BBS1: variants seen among roughly 807,000 people sequenced by gnomAD.
BBS1 encodes Bardet-Biedl syndrome 1.
Under a neutral mutation model 73.9 loss-of-function variants are expected in BBS1, and 60 were observed. The ratio of observed to expected loss-of-function variants is 0.81; its 90% CI spans 0.66 to 1.01. The LOEUF is 1.01. BBS1 is among the 50% of genes least tolerant of loss of function. The probability of loss-of-function intolerance (pLI) is 0.00; values close to 1 mark genes in which losing one functional copy is unlikely to be tolerated. For synonymous variants in BBS1, 283 were observed against 317.4 expected, an observed-to-expected ratio of 0.89 and a Z score of 1.15; for missense variants, 718 against 770.3, an observed-to-expected ratio of 0.93 and a Z score of 0.80.
chr11:66,518,760 T>TC (rs1555047263), intron 7 of BBS1, among the ~76,000 whole-genome samples: 16 of 149,022 alleles, frequency 1.1e-4, no homozygotes, highest in South Asian at 4.2e-4. Context: ...CCCTTTTCTT[T>TC]TTTTTTTTTT....
At chr11:66,513,634 G>A (rs568059960) in intron 3 of BBS1, among the ~76,000 whole-genome samples, 8 of 152,180 alleles carry the variant, frequency 5.3e-5, no homozygotes, top group South Asian at 2.1e-4. Context: ...AGCCATGATC[G>A]CACCACTGCA....
In BBS1 at chr11:66,523,513, C is replaced by G; in HGVS notation, c.888C>G (p.Ile296Met). 1 of 1,614,152 alleles carries G rather than the reference C, an allele frequency of 6.2e-7. No homozygotes were observed. ...TGAGCGCCCAGCCTGTGGGACTTAT[C>G]CGGGTACACAAGGTCCTAGTGGTGG... ...IELSAQPVGL[I>M]RVHKVLVVGS... The change falls in exon 10 of 17, where the codon ATC (isoleucine) becomes ATG (methionine). Residue 296 changes from isoleucine (I) to methionine (M), a missense_variant. Transcript: ENST00000318312.
Position 66,523,812 on chromosome 11 carries a change from T to C in BBS1, c.1040T>C (p.Met347Thr). ...CATTCCCGGGGCCTGCAGGCCGTCA[T>C]GGCTGGGCTGGCCAATGGAGAGGTC... is the stretch of plus-strand genomic sequence containing the variant. ...EQHSRGLQAV[M>T]AGLANGEVRI... is the part of the protein sequence containing the mutation. The change falls in exon 11 of 17, where the codon ATG becomes ACG. Residue 347 changes from methionine to threonine, a missense_variant. Met to Thr is a moderately conservative substitution (Grantham distance 81, BLOSUM62 -1). Coordinates refer to ENST00000318312, the MANE Select transcript of BBS1 (RefSeq NM_024649.5). 1.9e-6 allele frequency: 3 copies of C among 1,613,626 alleles called. No individual in the cohort carries two copies. The highest frequency in any genetic ancestry group is 3.3e-5 in the Admixed American group (2 of 60,026).
intron 11 of BBS1, among the ~76,000 whole-genome samples, chr11:66,525,729 T>C (rs563116993): frequency 6.6e-6 from 1 of 151,962 alleles, no homozygotes; most frequent in East Asian, 1.9e-4. Flanking sequence ...AAAAGGCGGG[T>C]TGGAGTCAAA....
intron 3 of BBS1, among the ~76,000 whole-genome samples, chr11:66,511,758 G>A (rs1312271136): frequency 6.6e-6 from 1 of 151,914 alleles, no homozygotes; most frequent in African/African-American, 2.4e-5. Context: ...CAGCACTTTG[G>A]GAGGCTGAGG....
At chr11:66,522,144 G>T (rs28414721) in intron 9 of BBS1, among the ~76,000 whole-genome samples, 31,526 of 150,010 alleles carry the variant, frequency 0.21, 3,709 homozygotes, top group East Asian at 0.26. Flanking sequence ...GTGAACCTGG[G>T]AGGTGGAGCT....
rs1266361363 is a variant in BBS1 at position 66,523,750 on chromosome 11, G to A, written c.978G>A (p.Met326Ile). Residue 326 changes from methionine to isoleucine, a missense_variant, in exon 11 of 17, where the codon ATG becomes ATA. By Grantham distance (10) the Met-to-Ile change is conservative. Transcript: ENST00000318312. ...GGAAGAAGCTGTGGACAGTGCAGAT[G>A]CCCGCAGCCATCCTGACCATGAACC... is the stretch of plus-strand genomic sequence containing the variant. Reference protein sequence around the residue: ...HKGKKLWTVQMPAAILTMNLL... With the variant: ...HKGKKLWTVQIPAAILTMNLL... 17 of 1,612,308 alleles carry A rather than the reference G, an allele frequency of 1.1e-5. No individual in the cohort carries two copies. The highest frequency in any genetic ancestry group is 1.4e-5 in the Non-Finnish European group (17 of 1,180,028).
Position 66,514,489 on chromosome 11 carries a change from G to A in BBS1, c.243G>A (p.Pro81=), listed in dbSNP as rs141429900. ...LKGPLVMTES[P]LPALPAAAAT... ...GACCACTGGTGATGACCGAAAGCCC[G>A]CTACCTGCTCTGCCAGCTGCTGCTG... is the stretch of plus-strand genomic sequence containing the variant. Residue 81 remains proline (P), a synonymous_variant, in exon 4 of 17, where the codon CCG becomes CCA. Coordinates refer to ENST00000318312, the MANE Select transcript of BBS1 (RefSeq NM_024649.5). 25 of 1,614,130 alleles carry A rather than the reference G, an allele frequency of 1.5e-5. No homozygotes were observed. In the East Asian group the frequency reaches 4.9e-4, roughly 32 times the overall value.
At position 66,532,229 on chromosome 11, in the gene BBS1, C is replaced by T. The variant is rs1182040109; in HGVS notation, c.*192C>T. ...AGGTTAGTGAGTACCTAGGGCGGCTCAACTCCTCCCACAGCACCAACCCAG... is the reference window on the plus strand; with the variant it reads ...AGGTTAGTGAGTACCTAGGGCGGCTTAACTCCTCCCACAGCACCAACCCAG... On this transcript the variant is annotated 3_prime_UTR_variant, in exon 17 of 17. Transcript: ENST00000318312. 2 of 617,300 alleles carry T rather than the reference C, an allele frequency of 3.2e-6. No individual in the cohort carries two copies. Among genetic ancestry groups the T allele is most frequent in the African/African-American group, 3.7e-5 (2 of 54,092 alleles). 38.2% of individuals were successfully genotyped at this position (617,300 alleles called of 1,614,324 possible). A position where few individuals can be genotyped will look rare whatever the true frequency, so the allele number is the denominator to read the frequency against.
At chr11:66,530,855 C>T in intron 14 of BBS1, 39 bp from the exon 15 acceptor site, 1 of 1,614,160 alleles carries the variant, frequency 6.2e-7, no homozygotes, top group South Asian at 1.1e-5. Context: ...CCCAAGGCTG[C>T]CAGGTCCTAA....
At position 66,515,584 on chromosome 11, in the gene BBS1, C is replaced by T. The variant is rs1856031625; in HGVS notation, c.477C>T (p.Ile159=). 1 of 1,614,136 alleles carries T rather than the reference C, an allele frequency of 6.2e-7. No individual in the cohort carries two copies. Residue 159 remains isoleucine (I), a splice_region_variant and synonymous_variant, in exon 5 of 17, where the codon ATC becomes ATT. Coordinates refer to ENST00000318312, the MANE Select transcript of BBS1 (RefSeq NM_024649.5). ...PLTLKEMLES[I]RETAEEPLSI... is the part of the protein sequence containing the mutation. ...CCCTGAAGGAGATGCTGGAGAGCAT[C>T]CGGTGAGAGGCTGCCTTCCCCTTCA...
intron 1 of BBS1, 28 bp downstream of exon 1, chr11:66,510,734 T>G (rs758675295): frequency 1.2e-6 from 2 of 1,613,802 alleles, no homozygotes; most frequent in Admixed American, 3.3e-5. Context: ...CAAGGCCTCT[T>G]TTCCCACCCG....
chr11:66,523,705 G>T lies in BBS1; in HGVS notation c.952-19G>T. 2 of 1,610,220 alleles carry T rather than the reference G, an allele frequency of 1.2e-6. No individual in the cohort carries two copies. The highest frequency in any genetic ancestry group is 1.7e-6 in the Non-Finnish European group (2 of 1,179,972). ...TGTAAGCCCTGAGCCCTCCACAGAC[G>T]CTGGCTGTTCCCTGCCAGGGGAAGA... On this transcript the variant is annotated intron_variant, in intron 10 of 16. Transcript: ENST00000318312.
chr11:66,531,507 C>T, intron 15 of BBS1, 149 bp from the exon 16 acceptor site: 1 of 1,038,002 alleles, frequency 9.6e-7, no homozygotes, highest in East Asian at 2.4e-5. Flanking sequence ...ACTTCCCCAC[C>T]ACACCTGCAT....
At chr11:66,524,144 G>A (rs1180210899) in intron 11 of BBS1, 4 of 477,242 alleles carry the variant, frequency 8.4e-6, no homozygotes, top group East Asian at 8.9e-5. Context: ...GCCGGGCATG[G>A]TGGTGCGTAC....
At chr11:66,519,516 C>T in intron 7 of BBS1, 101 bp from the exon 8 acceptor site, 8 of 1,522,162 alleles carry the variant, frequency 5.3e-6, no homozygotes, top group African/African-American at 1.4e-5. Flanking sequence ...ATTTCCTCTT[C>T]ATCCTCCTTT....
At chr11:66,526,059 C>T in intron 11 of BBS1, 64 bp from the exon 12 acceptor site, 1 of 1,476,768 alleles carries the variant, frequency 6.8e-7, no homozygotes, top group East Asian at 2.3e-5. Flanking sequence ...CTCCCCTACC[C>T]ATCCCCTGTC....
chr11:66,522,350 T>A (rs956726828), intron 9 of BBS1, among the ~76,000 whole-genome samples: 14 of 150,152 alleles, frequency 9.3e-5, no homozygotes, highest in African/African-American at 2.2e-4. Flanking sequence ...TTTTTTTTTT[T>A]ATTTTGTGAG....
At chr11:66,527,553 C>CAGCT (rs1225633483) in intron 13 of BBS1, 2 of 161,314 alleles carry the variant, frequency 1.2e-5, no homozygotes, top group African/African-American at 4.9e-5. Flanking sequence ...CCTGTAGTCC[C>CAGCT]AGCTACTTGG....
Sources: gnomAD v4.1 joint callset for allele counts (sites outside exome capture counted in the v4.1 genomes callset) on GRCh38, gnomAD v4.1.1 for gene constraint, MANE v1.5 for transcripts, NCBI Gene and HGNC (gene_info 2026-07-23, HGNC 2026-07-21) for gene names.